Variants in ORC3 observed in about 807,000 individuals in gnomAD.
ORC3 encodes origin recognition complex subunit 3, also known as homolog of latheo, Drosophila.
A neutral mutation model predicts 100.7 loss-of-function variants in ORC3; 78 were observed. The observed-to-expected ratio is 0.77, with a 90% CI of 0.65 to 0.94. ORC3 has a LOEUF of 0.94. Among genes scored for constraint, ORC3 ranks in the 40% least tolerant of loss-of-function variants. ORC3 has a pLI of 0.00. For synonymous variants in ORC3, 295 were observed against 289.3 expected (o/e 1.02, Z -0.20); for missense variants, 789 against 823.9 (o/e 0.96, Z 0.52).
chr6:87,671,824 C>A (rs1161752630), downstream of ORC3, among the ~76,000 whole-genome samples: 2 of 152,130 alleles, frequency 1.3e-5, no homozygotes, highest in African/African-American at 2.4e-5. Flanking sequence ...TATCAGATGA[C>A]CTAACCAAGT....
intron 12 of ORC3, 64 bp from the exon 13 acceptor site, chr6:87,636,342 AT>A: frequency 1.1e-6 from 1 of 907,596 alleles, no homozygotes; most frequent in Non-Finnish European, 1.8e-6. Flanking sequence ...ACCAGAAATG[AT>A]TTTTGCCAAA....
intron 13 of ORC3, among the ~76,000 whole-genome samples, chr6:87,642,669 G>A (rs1486862144): frequency 6.6e-6 from 1 of 152,050 alleles, no homozygotes; most frequent in African/African-American, 2.4e-5. Context: ...TTGGGAGGCC[G>A]AGGCGGATGG....
intron 13 of ORC3, among the ~76,000 whole-genome samples, chr6:87,649,245 C>T (rs1769050261): frequency 1.3e-5 from 2 of 152,160 alleles, no homozygotes; most frequent in African/African-American, 4.8e-5. Context: ...ATCCCTGTGA[C>T]ATAACAAACA....
chr6:87,655,236 G>A (rs1769581763), intron 14 of ORC3, among the ~76,000 whole-genome samples: 1 of 152,064 alleles, frequency 6.6e-6, no homozygotes, highest in Admixed American at 6.6e-5. Context: ...CCAGGCTTAA[G>A]TGCAGTTGTG....
downstream of ORC3, among the ~76,000 whole-genome samples, chr6:87,670,208 T>A (rs1770804711): frequency 6.6e-6 from 1 of 152,116 alleles, no homozygotes; most frequent in Admixed American, 6.5e-5. Context: ...TTTCACTCTG[T>A]CACCCAGAGT....
Position 87,594,340 on chromosome 6 carries a change from T to G in ORC3, c.25-13T>G. The stretch of plus-strand genomic sequence containing the variant: ...CTACTTTGACTTTATGCTTTTCGTC[T>G]TTCTTTTTATAGGGTTGCTTTGTTT... On this transcript the variant is annotated splice_polypyrimidine_tract_variant and intron_variant, in intron 1 of 19. Transcript: ENST00000392844. 1.9e-6 allele frequency: 3 copies of G among 1,570,054 alleles called. No individual in the cohort carries two copies. The highest frequency in any genetic ancestry group is 1.7e-5 in the Admixed American group (1 of 58,204).
intron 4 of ORC3, among the ~76,000 whole-genome samples, chr6:87,604,162 C>T (rs1339619185): frequency 2.6e-5 from 4 of 152,188 alleles, no homozygotes; most frequent in African/African-American, 9.7e-5. Context: ...TTTCTTCATT[C>T]CCTTTGAAAA....
the ORC3 span, among the ~76,000 whole-genome samples, chr6:87,677,345 C>T: frequency 5.1e-4 from 78 of 152,206 alleles, no homozygotes; most frequent in Non-Finnish European, 9.9e-4. Flanking sequence ...AACAGTAAAT[C>T]TGTGGCTAAA....
chr6:87,651,646 A>T (rs535295883), intron 13 of ORC3, among the ~76,000 whole-genome samples: 41 of 152,110 alleles, frequency 2.7e-4, no homozygotes, highest in Non-Finnish European at 4.9e-4. Context: ...TATTTGGTCT[A>T]CCCTTAACAA....
At position 87,634,978 on chromosome 6, in the gene ORC3, C is replaced by T. The variant is rs897924235; in HGVS notation, c.1302+17C>T. Reference sequence around the variant, plus strand: ...GGTCGACAGGTAATCCAAGCCTCCTCATTTGTAATCCATGAAGTAGGAATG... The same window carrying T: ...GGTCGACAGGTAATCCAAGCCTCCTTATTTGTAATCCATGAAGTAGGAATG... On this transcript the variant is annotated intron_variant, in intron 12 of 19. Transcript: ENST00000392844. 9 of 1,163,956 alleles carry T rather than the reference C, an allele frequency of 7.7e-6. No individual in the cohort carries two copies. Among genetic ancestry groups the T allele is most frequent in the Non-Finnish European group, 1.0e-5 (8 of 769,468 alleles). The allele number at this position is 1,163,956 out of a possible 1,614,324, so 72.1% of individuals were successfully genotyped here.
At position 87,609,115 on chromosome 6, in the gene ORC3, T is replaced by C; in HGVS notation, c.599T>C (p.Leu200Pro). 5 of 1,603,932 alleles carry C rather than the reference T, an allele frequency of 3.1e-6. No homozygotes were observed. Among genetic ancestry groups the C allele is most frequent in the Non-Finnish European group, 4.2e-6 (5 of 1,177,676 alleles). ...TAAAAGAAGACGGACCCAAAAATGC[T>C]AAGCAAAAAAAGGACTACTTCTAGC... ...TVTQKTDPKM[L>P]SKKRTTSSQW... Residue 200 changes from leucine (L) to proline (P), a missense_variant, in exon 7 of 20, where the codon CTA becomes CCA. Leu to Pro is a moderately conservative substitution (Grantham distance 98). This residue lies in a region of ORC3 where 399 missense variants were observed against 382.0 expected (regional missense o/e 1.04). Coordinates refer to ENST00000392844, the MANE Select transcript of ORC3 (RefSeq NM_012381.4).
At chr6:87,602,751 C>T (rs1163961085) in intron 3 of ORC3, among the ~76,000 whole-genome samples, 3 of 151,608 alleles carry the variant, frequency 2.0e-5, no homozygotes, top group African/African-American at 7.3e-5. Context: ...CTTTTCAAGG[C>T]AAATGCAGCC....
chr6:87,643,182 G>C (rs1376791157), intron 13 of ORC3, among the ~76,000 whole-genome samples: 1 of 151,984 alleles, frequency 6.6e-6, no homozygotes, highest in African/African-American at 2.4e-5. Context: ...ATATGGCCTA[G>C]CGAGGTGGCT....
At chr6:87,669,117 A>G (rs1442675791), downstream of ORC3, among the ~76,000 whole-genome samples, 12 of 152,270 alleles carry the variant, frequency 7.9e-5, no homozygotes. Flanking sequence ...AGATTACACC[A>G]TTGCACTCCA....
chr6:87,668,406 TAAC>T (rs1329332875), downstream of ORC3, among the ~76,000 whole-genome samples: 11 of 152,318 alleles, frequency 7.2e-5, no homozygotes, highest in South Asian at 2.1e-3. Flanking sequence ...GCATTATACT[TAAC>T]AAGTTCAGTT....
chr6:87,653,707 T>C (rs1283430351), intron 14 of ORC3, among the ~76,000 whole-genome samples: 4 of 152,244 alleles, frequency 2.6e-5, no homozygotes, highest in African/African-American at 9.6e-5. Flanking sequence ...GTGAGGCTCA[T>C]TGGTATGTTG....
At chr6:87,616,289 C>T (rs746690633) in intron 8 of ORC3, 25 bp from the exon 9 acceptor site, 2 of 852,128 alleles carry the variant, frequency 2.3e-6, no homozygotes, top group Admixed American at 1.8e-5. Flanking sequence ...AGGAGTGTGT[C>T]CCCCTCCCTT....
chr6:87,603,501 G>A lies in ORC3; in HGVS notation c.295G>A (p.Glu99Lys). Residue 99 changes from glutamate (E) to lysine (K), a missense_variant, in exon 4 of 20, where the codon GAA becomes AAA. Transcript: ENST00000392844. ...RDLGGQIKLR[E>K]IPTAALVLGV... Reference sequence around the variant, plus strand: ...CTTGGGCGGTCAAATAAAACTCAGAGAAATTCCAACTGCTGCTCTTGTTCT... The same window carrying A: ...CTTGGGCGGTCAAATAAAACTCAGAAAAATTCCAACTGCTGCTCTTGTTCT... 16 of 1,522,798 alleles carry A rather than the reference G, an allele frequency of 1.1e-5. No individual in the cohort carries two copies. Among genetic ancestry groups the A allele is most frequent in the Non-Finnish European group, 1.4e-5 (16 of 1,116,238 alleles). The allele number at this position is 1,522,798 out of a possible 1,614,324, so 94.3% of individuals were successfully genotyped here. A position where few individuals can be genotyped will look rare whatever the true frequency, so the allele number is the denominator to read the frequency against.
chr6:87,600,906 T>A (rs1345319616), intron 2 of ORC3, among the ~76,000 whole-genome samples: 1 of 152,252 alleles, frequency 6.6e-6, no homozygotes. Context: ...GGTTATGATA[T>A]AAAGTGTATT....
Sources: allele counts gnomAD v4.1 joint callset (sites outside exome capture counted in the v4.1 genomes callset), GRCh38; gene constraint gnomAD v4.1.1; regional missense constraint gnomAD v4.1.1; transcripts MANE v1.5; gene names NCBI Gene and HGNC (gene_info 2026-07-23, HGNC 2026-07-21).